The following GALNT17 variants were observed in gnomAD, a reference collection of about 807,000 sequenced individuals.
GALNT17 encodes the protein polypeptide N-acetylgalactosaminyltransferase 17.
Under a neutral mutation model 63.7 loss-of-function variants are expected in GALNT17, and 29 were observed. The ratio of observed to expected loss-of-function variants is 0.46; its 90% confidence interval spans 0.34 to 0.62. The LOEUF (loss-of-function observed/expected upper bound fraction) is 0.62, where lower values mean the gene tolerates loss of function less well. Among genes scored for constraint, GALNT17 ranks in the 20% least tolerant of loss-of-function variants. The pLI, the probability that GALNT17 is intolerant of heterozygous loss-of-function variation, is 0.01. For synonymous variants in GALNT17, 305 were observed against 318.3 expected, an observed-to-expected ratio of 0.96 and a Z score of 0.45; for missense variants, 603 against 799.6, an observed-to-expected ratio of 0.75 and a Z score of 2.97.
intron 6 of GALNT17, among the ~76,000 whole-genome samples, chr7:71,662,443 G>T (rs759955045): frequency 5.9e-5 from 9 of 151,930 alleles, no homozygotes; most frequent in Admixed American, 1.3e-4. Context: ...CCACTCAATG[G>T]TTTTTTCAGT....
intron 2 of GALNT17, among the ~76,000 whole-genome samples, chr7:71,373,084 G>T (rs1037178121): frequency 4.6e-5 from 7 of 152,272 alleles, no homozygotes; most frequent in Non-Finnish European, 7.3e-5. Flanking sequence ...GTATTATAAT[G>T]AGATTATATT....
intron 4 of GALNT17, among the ~76,000 whole-genome samples, chr7:71,417,322 C>A (rs1053501614): frequency 6.6e-6 from 1 of 152,238 alleles, no homozygotes; most frequent in South Asian, 2.1e-4. Flanking sequence ...AAACCCAGGG[C>A]CACTGATAAC....
At chr7:71,613,324 T>C (rs1392223936) in intron 6 of GALNT17, among the ~76,000 whole-genome samples, 1 of 152,252 alleles carries the variant, frequency 6.6e-6, no homozygotes, top group Non-Finnish European at 1.5e-5. Flanking sequence ...GATTTTCTGT[T>C]GGTCTCTTTT....
At chr7:71,182,433 C>T (rs1472015754) in intron 1 of GALNT17, among the ~76,000 whole-genome samples, 1 of 152,184 alleles carries the variant, frequency 6.6e-6, no homozygotes. Flanking sequence ...GTCATGAGAA[C>T]CTTTTTGAAT....
intron 5 of GALNT17, among the ~76,000 whole-genome samples, chr7:71,477,001 C>T (rs1007973777): frequency 1.3e-5 from 2 of 151,764 alleles, no homozygotes; most frequent in Non-Finnish European, 2.9e-5. Flanking sequence ...ACCACATCAC[C>T]GGCATCTCTC....
At chr7:71,570,388 T>C (rs1789419721) in intron 5 of GALNT17, among the ~76,000 whole-genome samples, 1 of 152,138 alleles carries the variant, frequency 6.6e-6, no homozygotes, top group African/African-American at 2.4e-5. Flanking sequence ...CTGGTCCACT[T>C]TCTTCCAGCA....
chr7:71,281,089 A>G (rs1427155731), intron 1 of GALNT17, among the ~76,000 whole-genome samples: 2 of 152,248 alleles, frequency 1.3e-5, no homozygotes, highest in Non-Finnish European at 2.9e-5. Flanking sequence ...GCTATTGGGA[A>G]TGCCCAAAGT....
intron 1 of GALNT17, among the ~76,000 whole-genome samples, chr7:71,176,377 G>T (rs1788639064): frequency 6.6e-6 from 1 of 152,048 alleles, no homozygotes; most frequent in African/African-American, 2.4e-5. Flanking sequence ...GCCCGTCCAG[G>T]GGCTAAAGTG....
chr7:71,423,768 A>T (rs1786708339), intron 5 of GALNT17, among the ~76,000 whole-genome samples: 1 of 151,978 alleles, frequency 6.6e-6, no homozygotes, highest in Admixed American at 6.6e-5. Context: ...AAATTAAAAA[A>T]AAAAATTAGC....
chr7:71,155,671 A>G (rs1244349890), intron 1 of GALNT17, among the ~76,000 whole-genome samples: 1 of 151,656 alleles, frequency 6.6e-6, no homozygotes, highest in Non-Finnish European at 1.5e-5. Flanking sequence ...TTTCCATAAG[A>G]GACTACTGAT....
intron 5 of GALNT17, among the ~76,000 whole-genome samples, chr7:71,470,756 G>T (rs1443395446): frequency 2.0e-5 from 3 of 152,022 alleles, no homozygotes; most frequent in Non-Finnish European, 4.4e-5. Flanking sequence ...GAGTGAGGGT[G>T]GGTGTTTTGC....
At chr7:71,572,000 A>G (rs1166169089) in intron 6 of GALNT17, among the ~76,000 whole-genome samples, 1 of 152,020 alleles carries the variant, frequency 6.6e-6, no homozygotes, top group Non-Finnish European at 1.5e-5. Flanking sequence ...CAACAGAGCA[A>G]GAGAGACCCT....
intron 1 of GALNT17, among the ~76,000 whole-genome samples, chr7:71,302,128 A>G (rs1562984556): frequency 6.6e-6 from 1 of 152,078 alleles, no homozygotes; most frequent in Non-Finnish European, 1.5e-5. Context: ...GTTGTCACTT[A>G]TAAGTAGGGG....
chr7:71,458,405 G>A (rs955011679), intron 5 of GALNT17, among the ~76,000 whole-genome samples: 4 of 152,140 alleles, frequency 2.6e-5, no homozygotes, highest in Non-Finnish European at 5.9e-5. Flanking sequence ...TTGGGCTGCA[G>A]CCCCACGGTA....
At chr7:71,559,874 A>G (rs1346866802) in intron 5 of GALNT17, among the ~76,000 whole-genome samples, 5 of 145,068 alleles carry the variant, frequency 3.4e-5, no homozygotes, top group African/African-American at 1.1e-4. Context: ...TATTAAAAAG[A>G]AACACATTTT....
chr7:71,669,018 G>C (rs926621159), intron 7 of GALNT17, among the ~76,000 whole-genome samples: 3 of 152,150 alleles, frequency 2.0e-5, no homozygotes, highest in Non-Finnish European at 2.9e-5. Flanking sequence ...TCTAATAATT[G>C]TCTCTGATAG....
At chr7:71,448,406 T>G (rs1563100547) in intron 5 of GALNT17, among the ~76,000 whole-genome samples, 1 of 152,012 alleles carries the variant, frequency 6.6e-6, no homozygotes, top group East Asian at 1.9e-4. Context: ...CTCTTTTTGT[T>G]TTTGTTTGGG....
intron 6 of GALNT17, among the ~76,000 whole-genome samples, chr7:71,659,839 G>A (rs1254698635): frequency 6.6e-6 from 1 of 152,160 alleles, no homozygotes; most frequent in African/African-American, 2.4e-5. Flanking sequence ...CTGGGCTTGG[G>A]ACTGTTGCCC....
intron 1 of GALNT17, among the ~76,000 whole-genome samples, chr7:71,249,071 A>G (rs1562946794): frequency 6.6e-6 from 1 of 152,248 alleles, no homozygotes; most frequent in African/African-American, 2.4e-5. Flanking sequence ...TAATAAAGCA[A>G]TAAGAAGAAA....
Sources: allele counts gnomAD v4.1 joint callset (sites outside exome capture counted in the v4.1 genomes callset), GRCh38; gene constraint gnomAD v4.1.1; transcripts MANE v1.5; gene names NCBI Gene and HGNC (gene_info 2026-07-23, HGNC 2026-07-21).